The following MAGI2 variants were observed in gnomAD, a reference collection of about 807,000 sequenced individuals.
MAGI2 encodes membrane associated guanylate kinase, WW and PDZ domain containing 2, also known as membrane-associated guanylate kinase, WW and PDZ domain-containing protein 2.
A neutral mutation model predicts 133.3 loss-of-function variants in MAGI2; 35 were observed. That is an observed-to-expected ratio of 0.26 (90% CI 0.20 to 0.35). The LOEUF is 0.35. Among genes scored for constraint, MAGI2 ranks in the 10% least tolerant of loss-of-function variants. The probability of loss-of-function intolerance (pLI) is 1.00; values close to 1 mark genes in which losing one functional copy is unlikely to be tolerated. For missense variants in MAGI2, 1,636 were observed against 1,863.4 expected (o/e 0.88, Z 2.25); for synonymous variants, 729 against 710.6 (o/e 1.03, Z -0.41).
At chr7:79,298,778 A>AGC (rs1284901355) in intron 1 of MAGI2, among the ~76,000 whole-genome samples, 2 of 152,144 alleles carry the variant, frequency 1.3e-5, no homozygotes, top group Admixed American at 6.6e-5. Context: ...ATTTAGAATG[A>AGC]GCTAATTCTA....
At chr7:78,319,393 T>A (rs1787763428) in intron 9 of MAGI2, among the ~76,000 whole-genome samples, 1 of 152,154 alleles carries the variant, frequency 6.6e-6, no homozygotes, top group African/African-American at 2.4e-5. Flanking sequence ...AAGACACTCC[T>A]CAGAAAGTGC....
intron 17 of MAGI2, among the ~76,000 whole-genome samples, chr7:78,133,331 ACT>A (rs1223114989): frequency 1.3e-5 from 2 of 152,188 alleles, no homozygotes; most frequent in Non-Finnish European, 2.9e-5. Flanking sequence ...ACCTCATAAA[ACT>A]ATGAAAAAAA....
chr7:79,060,693 C>G (rs554058131), intron 1 of MAGI2, among the ~76,000 whole-genome samples: 2 of 151,974 alleles, frequency 1.3e-5, no homozygotes, highest in African/African-American at 4.8e-5. Flanking sequence ...TGATAAAGCA[C>G]GAGAATTAAG....
chr7:78,654,497 T>A (rs191603843), intron 2 of MAGI2, among the ~76,000 whole-genome samples: 1 of 151,760 alleles, frequency 6.6e-6, no homozygotes, highest in African/African-American at 2.4e-5. Context: ...TAATATAAAT[T>A]TATAAAGTTT....
rs142715817 is a variant in MAGI2 at position 78,378,895 on chromosome 7, G to A, written c.1046-9682C>T. Among the ~76,000 whole-genome samples, 7 of 152,090 alleles carry A rather than the reference G, an allele frequency of 4.6e-5. No individual in the cohort carries two copies. In the East Asian group the frequency reaches 1.4e-3, roughly 29 times the overall value. On this transcript the variant is annotated intron_variant, in intron 6 of 21. Transcript: ENST00000354212. ...ATAGAAGTAATATAATTTAAAAAGA[G>A]AGGAGAGGGAAAAAAAGTACAATGG...
intron 2 of MAGI2, among the ~76,000 whole-genome samples, chr7:78,729,456 C>T (rs967745848): frequency 5.9e-5 from 9 of 152,200 alleles, no homozygotes; most frequent in African/African-American, 2.2e-4. Flanking sequence ...TCCAGAAGCA[C>T]ACCTTGGCAA....
intron 9 of MAGI2, among the ~76,000 whole-genome samples, chr7:78,275,822 A>G (rs1795006856): frequency 6.6e-6 from 1 of 152,202 alleles, no homozygotes; most frequent in Non-Finnish European, 1.5e-5. Context: ...GGACTAGAAT[A>G]TGGAGAGAGC....
At chr7:78,410,656 T>G (rs1329481241) in intron 6 of MAGI2, among the ~76,000 whole-genome samples, 1 of 152,010 alleles carries the variant, frequency 6.6e-6, no homozygotes, top group Non-Finnish European at 1.5e-5. Context: ...GGATGATGGA[T>G]ACATTAATTG....
chr7:78,396,301 T>C (rs951802244), intron 6 of MAGI2, among the ~76,000 whole-genome samples: 1 of 152,046 alleles, frequency 6.6e-6, no homozygotes, highest in Non-Finnish European at 1.5e-5. Context: ...GACTACAGGG[T>C]CTTCCATTCT....
chr7:78,078,393 A>G (rs1296197820), intron 21 of MAGI2: 1 of 156,620 alleles, frequency 6.4e-6, no homozygotes, highest in Non-Finnish European at 1.4e-5. Context: ...CTTCCTCAAA[A>G]GCATACAGAA....
At chr7:78,046,579 A>G (rs1811457670) in intron 21 of MAGI2, among the ~76,000 whole-genome samples, 1 of 152,180 alleles carries the variant, frequency 6.6e-6, no homozygotes, top group African/African-American at 2.4e-5. Context: ...TTGAGAATAA[A>G]TATCTGCATA....
intron 1 of MAGI2, among the ~76,000 whole-genome samples, chr7:79,357,848 C>T (rs1842127613): frequency 6.6e-6 from 1 of 152,120 alleles, no homozygotes; most frequent in Non-Finnish European, 1.5e-5. Flanking sequence ...AACCTTGTCT[C>T]CTATGTTTAT....
chr7:78,455,996 T>C (rs1789278634), intron 6 of MAGI2, among the ~76,000 whole-genome samples: 1 of 151,944 alleles, frequency 6.6e-6, no homozygotes, highest in African/African-American at 2.4e-5. Flanking sequence ...TCTTTACAGC[T>C]CTCAGGGCCA....
intron 1 of MAGI2, chr7:79,411,574 C>A (rs1846143373): frequency 6.6e-6 from 1 of 152,098 alleles, no homozygotes; most frequent in African/African-American, 2.4e-5. Flanking sequence ...CCTGTCAACA[C>A]CTTGATTTTA....
intron 3 of MAGI2, among the ~76,000 whole-genome samples, chr7:78,581,236 A>C (rs1802805523): frequency 6.6e-6 from 1 of 152,192 alleles, no homozygotes; most frequent in African/African-American, 2.4e-5. Context: ...CCTTGACTAC[A>C]ACTGCTCCCC....
chr7:78,886,063 AAGG>A (rs1200480781), intron 2 of MAGI2, among the ~76,000 whole-genome samples: 1 of 152,238 alleles, frequency 6.6e-6, no homozygotes, highest in Admixed American at 6.5e-5. Flanking sequence ...TGTGAAAATA[AAGG>A]AGAAGCAGTC....
intron 6 of MAGI2, among the ~76,000 whole-genome samples, chr7:78,428,140 G>C (rs1799463413): frequency 6.6e-6 from 1 of 152,146 alleles, no homozygotes; most frequent in Non-Finnish European, 1.5e-5. Flanking sequence ...CTAATAATGG[G>C]TACTTCAGGC....
intron 1 of MAGI2, among the ~76,000 whole-genome samples, chr7:79,348,796 T>C (rs1841492181): frequency 6.6e-6 from 1 of 151,872 alleles, no homozygotes; most frequent in Non-Finnish European, 1.5e-5. Context: ...TTCTAATCTG[T>C]TGTGAAAATA....
At chr7:78,907,925 C>A (rs1381483985) in intron 2 of MAGI2, among the ~76,000 whole-genome samples, 1 of 152,044 alleles carries the variant, frequency 6.6e-6, no homozygotes, top group East Asian at 1.9e-4. Context: ...AATAAACTAG[C>A]TTTATCTGAG....
Sources: allele counts gnomAD v4.1 joint callset (sites outside exome capture counted in the v4.1 genomes callset), GRCh38; gene constraint gnomAD v4.1.1; transcripts MANE v1.5; gene names NCBI Gene and HGNC (gene_info 2026-07-23, HGNC 2026-07-21).